The following PTPN13 variants were observed in gnomAD, a reference collection of about 807,000 sequenced individuals.
PTPN13 encodes the protein tyrosine-protein phosphatase non-receptor type 13.
In PTPN13, 191 loss-of-function variants were observed where a neutral mutation model predicts 284.0. The observed-to-expected ratio is 0.67, with a 90% CI of 0.60 to 0.76. The LOEUF is 0.76. Among genes scored for constraint, PTPN13 ranks in the 30% least tolerant of loss-of-function variants. The probability of loss-of-function intolerance (pLI) is 0.00; values close to 1 mark genes in which losing one functional copy is unlikely to be tolerated. For synonymous variants in PTPN13, 986 were observed against 1,022.3 expected, an observed-to-expected ratio of 0.96 and a Z score of 0.68; for missense variants, 2,797 against 2,939.9, an observed-to-expected ratio of 0.95 and a Z score of 1.12.
intron 2 of PTPN13, among the ~76,000 whole-genome samples, chr4:86,661,927 A>G (rs1269423243): frequency 2.0e-5 from 3 of 152,236 alleles, no homozygotes; most frequent in Non-Finnish European, 2.9e-5. Context: ...CCCAAGATTT[A>G]TGCAGATTGC....
At chr4:86,644,230 G>A (rs950280763) in intron 2 of PTPN13, among the ~76,000 whole-genome samples, 10 of 151,928 alleles carry the variant, frequency 6.6e-5, no homozygotes, top group Non-Finnish European at 1.3e-4. Context: ...TGCTTCCCAG[G>A]TTCAAGCTAT....
chr4:86,796,198 A>G (rs1485654937), intron 40 of PTPN13, among the ~76,000 whole-genome samples: 1 of 152,242 alleles, frequency 6.6e-6, no homozygotes, highest in African/African-American at 2.4e-5. Flanking sequence ...ATTTGAAACT[A>G]CTAAGATTTT....
At chr4:86,771,700 T>G (rs144757621) in intron 31 of PTPN13, among the ~76,000 whole-genome samples, 165 bp downstream of exon 31, 1 of 152,230 alleles carries the variant, frequency 6.6e-6, no homozygotes, top group East Asian at 1.9e-4. Flanking sequence ...ACTGATAGTT[T>G]TAGTTAGCAA....
At chr4:86,672,055 T>G (rs1470902203) in intron 2 of PTPN13, among the ~76,000 whole-genome samples, 1 of 152,234 alleles carries the variant, frequency 6.6e-6, no homozygotes, top group Non-Finnish European at 1.5e-5. Context: ...GTCACGTTGA[T>G]AAAACATTTG....
chr4:86,665,833 G>A (rs1041017377), intron 2 of PTPN13, among the ~76,000 whole-genome samples: 49 of 152,104 alleles, frequency 3.2e-4, no homozygotes, highest in Non-Finnish European at 5.4e-4. Context: ...TCTGTGGGGG[G>A]AAAATGCTAA....
chr4:86,668,695 A>C (rs189895315), intron 2 of PTPN13, among the ~76,000 whole-genome samples: 2 of 151,618 alleles, frequency 1.3e-5, no homozygotes, highest in East Asian at 3.9e-4. Context: ...TCCCAGGTTC[A>C]AGTGATTCTC....
rs1739813290 is a variant in PTPN13 at position 86,770,129 on chromosome 4, C to T, written c.4733C>T (p.Ala1578Val). 1 of 1,613,632 alleles carries T rather than the reference C, an allele frequency of 6.2e-7. No individual in the cohort carries two copies. The highest frequency in any genetic ancestry group is 1.3e-5 in the African/African-American group (1 of 74,928). The change falls in exon 30 of 48, where the codon GCT (alanine) becomes GTT (valine). Residue 1578 changes from alanine (A) to valine (V), a missense_variant. Ala to Val is a moderately conservative substitution (Grantham distance 64, BLOSUM62 0). Coordinates refer to ENST00000411767, the MANE Select transcript of PTPN13 (RefSeq NM_080683.3). ...QEVISALRGT[A>V]PEVFLLLCRP... is the part of the protein sequence containing the mutation. ...GTCATATCTGCTCTCAGGGGAACTGCTCCAGAAGTATTCTTGCTTCTCTGC... is the reference window on the plus strand; with the variant it reads ...GTCATATCTGCTCTCAGGGGAACTGTTCCAGAAGTATTCTTGCTTCTCTGC...
intron 2 of PTPN13, among the ~76,000 whole-genome samples, chr4:86,654,922 C>T (rs1725562041): frequency 2.0e-5 from 3 of 152,168 alleles, no homozygotes; most frequent in Admixed American, 1.3e-4. Flanking sequence ...AATCTGGGTG[C>T]TCCTGTATTG....
rs532639139 is a variant in PTPN13, at chr4:86,689,134, C to A, written c.490C>A (p.Pro164Thr). 6.2e-7 allele frequency: 1 copy of A among 1,613,650 alleles called. No homozygotes were observed. The highest frequency in any genetic ancestry group is 2.2e-5 in the East Asian group (1 of 44,866). The change falls in exon 5 of 48, where the codon CCC becomes ACC. Residue 164 changes from proline (P) to threonine (T), a missense_variant. Coordinates refer to ENST00000411767, the MANE Select transcript of PTPN13 (RefSeq NM_080683.3). ...SAHIRNSNCA[P>T]SFSYVKHLVK... ...CCACATTAGGAATAGCAATTGTGCACCCTCATTTTCCTACGTGAAACACTT... is the reference window on the plus strand; with the variant it reads ...CCACATTAGGAATAGCAATTGTGCAACCTCATTTTCCTACGTGAAACACTT...
At chr4:86,740,113 C>A in intron 15 of PTPN13, among the ~76,000 whole-genome samples, 1 of 152,130 alleles carries the variant, frequency 6.6e-6, no homozygotes, top group East Asian at 1.9e-4. Flanking sequence ...TGCAAGCTGT[C>A]GTTGGATCTA....
intron 7 of PTPN13, among the ~76,000 whole-genome samples, chr4:86,712,232 T>G (rs774797409): frequency 6.6e-6 from 1 of 151,642 alleles, no homozygotes; most frequent in Non-Finnish European, 1.5e-5. Context: ...AGAAAAATAG[T>G]TAGTAATGTT....
intron 3 of PTPN13, 120 bp from the exon 4 acceptor site, chr4:86,686,589 AT>A: frequency 1.5e-6 from 1 of 678,646 alleles, no homozygotes; most frequent in Non-Finnish European, 2.5e-6. Context: ...ATATAAAATG[AT>A]GATTTTCTCA....
At chr4:86,614,355 A>C (rs1720297004) in intron 1 of PTPN13, among the ~76,000 whole-genome samples, 2 of 152,190 alleles carry the variant, frequency 1.3e-5, no homozygotes, top group African/African-American at 2.4e-5. Flanking sequence ...TTTGCACACA[A>C]AAGTTTTTGT....
In PTPN13 at chr4:86,647,877, T is replaced by C. The variant is rs192915556; in HGVS notation, c.115+12506T>C. On this transcript the variant is annotated intron_variant, in intron 2 of 47. Coordinates refer to ENST00000411767, the MANE Select transcript of PTPN13 (RefSeq NM_080683.3). ...GAAGAAACCAACCCTGCCAGCACCT[T>C]GATTTTGCACTTTTACAAAAGTACA... is the stretch of plus-strand genomic sequence containing the variant. Among the ~76,000 whole-genome samples the C allele has an allele frequency of 2.1e-3, 318 of 152,158 alleles. 1 individual carries two copies. The highest frequency in any genetic ancestry group is 3.7e-3 in the Non-Finnish European group (253 of 67,954).
chr4:86,813,430 C>G (rs1745450295), intron 47 of PTPN13, among the ~76,000 whole-genome samples: 1 of 152,042 alleles, frequency 6.6e-6, no homozygotes, highest in Admixed American at 6.5e-5. Context: ...TATTTAAAGA[C>G]TTATTTTTTG....
chr4:86,616,216 A>G lies in PTPN13; in HGVS notation c.-5-19036A>G, dbSNP rs1401691542. Among the ~76,000 whole-genome samples, 5 of 152,348 alleles carry G rather than the reference A, an allele frequency of 3.3e-5. No homozygotes were observed. The South Asian group carries it at 8.3e-4, about 25-fold the overall frequency. ...AGTTTTACATTTTGTTGTCAAATAC[A>G]TTCAATAAAGATTAATTCTATAATA... On this transcript the variant is annotated intron_variant, in intron 1 of 47. Transcript: ENST00000411767.
At chr4:86,688,879 A>G in intron 4 of PTPN13, 126 bp from the exon 5 acceptor site, 1 of 648,564 alleles carries the variant, frequency 1.5e-6, no homozygotes, top group Non-Finnish European at 2.5e-6. Context: ...ATAAAAAGGA[A>G]TTTATTTCCT....
In PTPN13 at chr4:86,732,605, A is replaced by G; in HGVS notation, c.1697A>G (p.Lys566Arg). ...LPRSILTKKGKNEDNRRKVNI... is the reference protein window; with the variant it reads ...LPRSILTKKGRNEDNRRKVNI... ...TTTCAATTGTAGACTAAGAAAGGGA[A>G]GAATGAGGATAACCGAAGGAAAGTA... The change falls in exon 12 of 48, where the codon AAG (lysine) becomes AGG (arginine). Residue 566 changes from lysine (K) to arginine (R), a missense_variant. Lys to Arg is a conservative substitution (Grantham distance 26, BLOSUM62 2). Transcript: ENST00000411767. 5.6e-6 allele frequency: 9 copies of G among 1,612,882 alleles called. No homozygotes were observed. The highest frequency in any genetic ancestry group is 7.6e-6 in the Non-Finnish European group (9 of 1,179,330).
chr4:86,714,774 A>G lies in PTPN13; in HGVS notation c.1196-1756A>G, dbSNP rs139301700. Among the ~76,000 whole-genome samples the G allele has an allele frequency of 3.3e-3, 508 of 152,260 alleles. 1 individual carries two copies. The highest frequency in any genetic ancestry group is 0.012 in the African/African-American group (490 of 41,552). ...AGAAAATATTCATTTTGTGCTTGCT[A>G]TGTACCAGGTACTTGCTAGACTAGG... is the stretch of plus-strand genomic sequence containing the variant. On this transcript the variant is annotated intron_variant, in intron 7 of 47. Coordinates refer to ENST00000411767, the MANE Select transcript of PTPN13 (RefSeq NM_080683.3).
Sources: allele counts gnomAD v4.1 joint callset (sites outside exome capture counted in the v4.1 genomes callset), GRCh38; gene constraint gnomAD v4.1.1; transcripts MANE v1.5; gene names NCBI Gene and HGNC (gene_info 2026-07-23, HGNC 2026-07-21).